The following LRRFIP1 variants were observed in gnomAD, a reference collection of about 807,000 sequenced individuals.
LRRFIP1 encodes the protein leucine-rich repeat flightless-interacting protein 1.
LRRFIP1 carries 62 observed loss-of-function variants against 104.4 expected under a neutral mutation model. That is an observed-to-expected ratio of 0.59 (90% CI 0.48 to 0.73). The LOEUF is 0.73. LRRFIP1 is among the 30% of genes least tolerant of loss of function. The pLI is 0.00. For missense variants in LRRFIP1, 796 were observed against 824.5 expected (o/e 0.97, Z 0.42); for synonymous variants, 300 against 299.0 (o/e 1.00, Z -0.03).
rs2095128789 is a variant in LRRFIP1, at chr2:237,733,878, C to G, written c.489+60C>G. ...CCTCCCACTGTGCATGCACCGCCCC[C>G]ACCAAGCCCAGAGCCGGGGATGTGC... On this transcript the variant is annotated intron_variant, in intron 9 of 23. Coordinates refer to ENST00000308482, the MANE Select transcript of LRRFIP1 (RefSeq NM_001137550.2). The G allele has an allele frequency of 3.8e-6, 6 of 1,577,842 alleles. No homozygotes were observed. The East Asian group carries it at 1.3e-4, about 35-fold the overall frequency.
At chr2:237,756,066 T>C (rs1243580779) in intron 15 of LRRFIP1, 29 bp from the exon 16 acceptor site, 1 of 1,514,042 alleles carries the variant, frequency 6.6e-7, no homozygotes, top group African/African-American at 1.4e-5. Flanking sequence ...GGGATTCCAC[T>C]GCTTTAGTGC....
chr2:237,748,298 C>T (rs1192247422), intron 11 of LRRFIP1, 66 bp from the exon 12 acceptor site: 5 of 1,123,280 alleles, frequency 4.5e-6, no homozygotes, highest in Non-Finnish European at 1.4e-6. Context: ...CATTCATAGC[C>T]CCATCTTCAT....
chr2:237,744,789 A>C (rs902544863), intron 11 of LRRFIP1, among the ~76,000 whole-genome samples: 1 of 152,256 alleles, frequency 6.6e-6, no homozygotes, highest in Non-Finnish European at 1.5e-5. Flanking sequence ...GAGAGTCATG[A>C]AGCTAACAGG....
rs958168781 is a variant in LRRFIP1, at chr2:237,703,595, C to T, written c.97-4949C>T. Among the ~76,000 whole-genome samples the T allele has an allele frequency of 6.6e-6, 1 of 152,004 alleles. No homozygotes were observed. The highest frequency in any genetic ancestry group is 2.4e-5 in the African/African-American group (1 of 41,362). ...CTGCTTGTCCTGTTTCAGGGTCCGG[C>T]TTAGGGCTCCTGTCCTGCGGATGCC... On this transcript the variant is annotated intron_variant, in intron 1 of 23. Coordinates refer to ENST00000308482, the MANE Select transcript of LRRFIP1 (RefSeq NM_001137550.2). The surrounding 1 kb of genome is among the most constrained non-coding windows in gnomAD (Gnocchi z 4.3).
At position 237,781,282 on chromosome 2, in the gene LRRFIP1, A is replaced by C. The variant is rs1363634241; in HGVS notation, c.*1750A>C. The stretch of plus-strand genomic sequence containing the variant: ...ATGCTGACGCTTTTAGGTATTTTTC[A>C]CTCATGCAATTTTCACATATTTTCA... On this transcript the variant is annotated 3_prime_UTR_variant, in exon 24 of 24. Coordinates refer to ENST00000308482, the MANE Select transcript of LRRFIP1 (RefSeq NM_001137550.2). Among the ~76,000 whole-genome samples, 1 of 152,204 alleles carries C rather than the reference A, an allele frequency of 6.6e-6. No individual in the cohort carries two copies. Among genetic ancestry groups the C allele is most frequent in the Non-Finnish European group, 1.5e-5 (1 of 68,030 alleles).
At chr2:237,757,816 C>G (rs1037086530) in intron 17 of LRRFIP1, among the ~76,000 whole-genome samples, 10 of 152,164 alleles carry the variant, frequency 6.6e-5, no homozygotes, top group Non-Finnish European at 1.2e-4. Flanking sequence ...CGTGGCTGGG[C>G]CGGGCCGGTG....
intron 19 of LRRFIP1, chr2:237,763,710 C>T: frequency 6.2e-7 from 1 of 1,614,226 alleles, no homozygotes; most frequent in Non-Finnish European, 8.5e-7. Flanking sequence ...GTACAAACAG[C>T]AGCTGAGGAG....
At chr2:237,688,441 CTTTTTT>C (rs5839674) in intron 1 of LRRFIP1, among the ~76,000 whole-genome samples, 1 of 132,510 alleles carries the variant, frequency 7.5e-6, no homozygotes, top group East Asian at 2.2e-4. Context: ...GATGGACCCC[CTTTTTT>C]TTTTTTTTCT....
chr2:237,779,377 A>T, intron 23 of LRRFIP1, 45 bp from the exon 24 acceptor site: 2 of 1,600,284 alleles, frequency 1.2e-6, no homozygotes, highest in Non-Finnish European at 1.7e-6. Context: ...TTATGTTTGG[A>T]GGAAACAAGT....
chr2:237,641,237 TGCAGTGGCTTACAACTGTAATCCCA>T (rs1259990696), intron 1 of LRRFIP1, among the ~76,000 whole-genome samples: 5 of 140,156 alleles, frequency 3.6e-5, no homozygotes, highest in Non-Finnish European at 7.6e-5. Context: ...AAAGGCCAGG[TGCAGTGGCTTACAACTGTAATCCCA>T]GCACTTTGGG....
At chr2:237,705,985 A>G (rs1034710285) in intron 1 of LRRFIP1, among the ~76,000 whole-genome samples, 3 of 152,240 alleles carry the variant, frequency 2.0e-5, no homozygotes, top group Non-Finnish European at 4.4e-5. Flanking sequence ...GGCCCATAGG[A>G]TAATCTGTCT....
At chr2:237,666,437 T>C (rs1559500502) in intron 1 of LRRFIP1, among the ~76,000 whole-genome samples, 1 of 152,274 alleles carries the variant, frequency 6.6e-6, no homozygotes, top group Non-Finnish European at 1.5e-5. Context: ...GATCCCAATT[T>C]TTCTCAAAGG....
intron 6 of LRRFIP1, chr2:237,722,022 G>A (rs1426268638): frequency 2.6e-5 from 4 of 152,166 alleles, no homozygotes; most frequent in Non-Finnish European, 5.9e-5. Context: ...CTGTAGACAA[G>A]GCCCAGACAT....
At chr2:237,723,467 A>G in intron 6 of LRRFIP1, 81 bp from the exon 7 acceptor site, 2 of 1,359,508 alleles carry the variant, frequency 1.5e-6, no homozygotes, top group Non-Finnish European at 2.1e-6. Flanking sequence ...GCTTGTATTT[A>G]TGTTTTACTT....
rs370662828 is a variant in LRRFIP1 at position 237,718,597 on chromosome 2, A to G, written c.249+788A>G. On this transcript the variant is annotated intron_variant, in intron 4 of 23. Transcript: ENST00000308482. ...TTAGTTCCTCTACCCGAGTCCTTCT[A>G]CCTCTTCCTGTCCCTTTTGCTTTAT... is the stretch of plus-strand genomic sequence containing the variant. Among the ~76,000 whole-genome samples, 36 of 152,072 alleles carry G rather than the reference A, an allele frequency of 2.4e-4. No individual in the cohort carries two copies. The South Asian group carries it at 7.1e-3, about 30-fold the overall frequency.
chr2:237,683,498 G>A (rs1275323456), intron 1 of LRRFIP1: 1 of 152,214 alleles, frequency 6.6e-6, no homozygotes, highest in Non-Finnish European at 1.5e-5. Context: ...CTTCAAAGGT[G>A]AGGCTTGTAT....
At position 237,722,898 on chromosome 2, in the gene LRRFIP1, A is replaced by G. The variant is rs528644057; in HGVS notation, c.346-650A>G. Among the ~76,000 whole-genome samples the G allele has an allele frequency of 5.9e-5, 9 of 152,004 alleles. No individual in the cohort carries two copies. The South Asian group carries it at 1.9e-3, about 32-fold the overall frequency. On this transcript the variant is annotated intron_variant, in intron 6 of 23. Coordinates refer to ENST00000308482, the MANE Select transcript of LRRFIP1 (RefSeq NM_001137550.2). ...GCCCCTTTGTACCACCGAACAGGGC[A>G]CTCCCCAGAGTGAGGACTGGCATCT...
intron 10 of LRRFIP1, among the ~76,000 whole-genome samples, chr2:237,738,522 G>A (rs1020949242): frequency 2.6e-5 from 4 of 152,056 alleles, no homozygotes; most frequent in Non-Finnish European, 5.9e-5. Context: ...TCCTGCCCCC[G>A]CCCCACCATG....
chr2:237,633,333 T>G (rs2082657036), intron 1 of LRRFIP1, among the ~76,000 whole-genome samples: 1 of 152,174 alleles, frequency 6.6e-6, no homozygotes. Flanking sequence ...TTTGTGCGAT[T>G]CCCAAAAGAT....
Sources: gnomAD v4.1 joint callset for allele counts (sites outside exome capture counted in the v4.1 genomes callset) on GRCh38, gnomAD v4.1.1 for gene constraint, Gnocchi (gnomAD v3.1) non-coding constraint, MANE v1.5 for transcripts, NCBI Gene and HGNC (gene_info 2026-07-23, HGNC 2026-07-21) for gene names.